The following RNF150 variants were observed in gnomAD, a reference collection of about 807,000 sequenced individuals.
The protein encoded by RNF150 is ring finger protein 150.
In RNF150, 24 loss-of-function variants were observed where a neutral mutation model predicts 39.3. The observed-to-expected ratio is 0.61, with a 90% CI of 0.44 to 0.86. The LOEUF is 0.86. RNF150 is among the 40% of genes least tolerant of loss of function. The probability of loss-of-function intolerance (pLI) is 0.00; values close to 1 mark genes in which losing one functional copy is unlikely to be tolerated. For missense variants in RNF150, 502 were observed against 587.8 expected (o/e 0.85, Z 1.51); for synonymous variants, 255 against 227.3 (o/e 1.12, Z -1.10).
At chr4:141,165,306 T>C (rs1027172414) in intron 1 of RNF150, among the ~76,000 whole-genome samples, 3 of 152,076 alleles carry the variant, frequency 2.0e-5, no homozygotes, top group African/African-American at 2.4e-5. Flanking sequence ...AGCAAATTCT[T>C]AGAGACCTAC....
At chr4:141,003,021 G>C (rs1232645463) in intron 1 of RNF150, among the ~76,000 whole-genome samples, 1 of 152,096 alleles carries the variant, frequency 6.6e-6, no homozygotes, top group Non-Finnish European at 1.5e-5. Flanking sequence ...AATTAACAAA[G>C]AGGTAGGTTT....
intron 2 of RNF150, among the ~76,000 whole-genome samples, chr4:140,966,185 C>T (rs920270698): frequency 5.9e-5 from 9 of 151,758 alleles, no homozygotes; most frequent in African/African-American, 2.2e-4. Context: ...AAAAACAAAA[C>T]AAAAATTAGC....
Position 141,188,809 on chromosome 4 carries a change from C to T in RNF150, c.-6+23985G>A, listed in dbSNP as rs547145137. Among the ~76,000 whole-genome samples the T allele has an allele frequency of 2.0e-5, 3 of 152,294 alleles. No individual in the cohort carries two copies. The East Asian group carries it at 5.8e-4, about 29-fold the overall frequency. On this transcript the variant is annotated intron_variant, in intron 1 of 7. Coordinates refer to the RNF150 transcript ENST00000420921. ...GGTTCTTATCTTCCTTGCTTCCTTGCTTTGGGCTAGAAAATGTCCTTTAGC... is the reference window on the plus strand; with the variant it reads ...GGTTCTTATCTTCCTTGCTTCCTTGTTTTGGGCTAGAAAATGTCCTTTAGC...
rs182732861 is a variant in RNF150, at chr4:140,945,724, T to C, written c.890+1930A>G. Among the ~76,000 whole-genome samples, 3 of 151,524 alleles carry C rather than the reference T, an allele frequency of 2.0e-5. No homozygotes were observed. The East Asian group carries it at 5.8e-4, about 29-fold the overall frequency. ...ATCAATTGTAGAGCTAAAGTAATGCTATGTATATAATTTTTAAAACAGATT... is the reference window on the plus strand; with the variant it reads ...ATCAATTGTAGAGCTAAAGTAATGCCATGTATATAATTTTTAAAACAGATT... On this transcript the variant is annotated intron_variant, in intron 4 of 6. Coordinates refer to ENST00000515673, the MANE Select transcript of RNF150 (RefSeq NM_020724.2).
At chr4:140,965,827 A>AG (rs1466278378) in intron 2 of RNF150, among the ~76,000 whole-genome samples, 1 of 152,082 alleles carries the variant, frequency 6.6e-6, no homozygotes, top group Non-Finnish European at 1.5e-5. Flanking sequence ...GCAAGTCTAG[A>AG]GATCTAATGT....
chr4:141,202,604 C>T (rs1728308045), intron 1 of RNF150, among the ~76,000 whole-genome samples: 1 of 151,750 alleles, frequency 6.6e-6, no homozygotes, highest in African/African-American at 2.4e-5. Flanking sequence ...AAATAGTCTT[C>T]AAATATTTAA....
intron 1 of RNF150, among the ~76,000 whole-genome samples, chr4:141,116,852 G>A (rs1413776577): frequency 6.6e-6 from 1 of 152,180 alleles, no homozygotes; most frequent in East Asian, 1.9e-4. Flanking sequence ...GAATATGGAT[G>A]AAGCTGGAAA....
chr4:140,967,990 T>G, intron 1 of RNF150, 117 bp from the exon 2 acceptor site: 1 of 901,902 alleles, frequency 1.1e-6, no homozygotes, highest in South Asian at 1.8e-5. Context: ...CTTTTGAGAA[T>G]TCTGTGCTGG....
intron 1 of RNF150, among the ~76,000 whole-genome samples, chr4:141,021,379 C>T (rs760521703): frequency 3.9e-5 from 6 of 152,036 alleles, no homozygotes; most frequent in Admixed American, 6.6e-5. Context: ...TTGTACCAAA[C>T]GGAAAAAAAA....
intron 6 of RNF150, among the ~76,000 whole-genome samples, chr4:140,892,952 C>CAGCT (rs1729809955): frequency 6.6e-6 from 1 of 152,042 alleles, no homozygotes; most frequent in South Asian, 2.1e-4. Context: ...CCTGTAGTCC[C>CAGCT]AGCTACTCAG....
intron 1 of RNF150, among the ~76,000 whole-genome samples, chr4:141,003,425 A>G (rs949722780): frequency 6.6e-6 from 1 of 152,194 alleles, no homozygotes; most frequent in Admixed American, 6.5e-5. Flanking sequence ...GAGTGGACTG[A>G]TGGCATCAGG....
intron 1 of RNF150, among the ~76,000 whole-genome samples, chr4:141,007,046 TC>T (rs1734895326): frequency 1.3e-5 from 2 of 152,218 alleles, no homozygotes; most frequent in Admixed American, 1.3e-4. Context: ...AAATTTTCAA[TC>T]TTTGCATTGT....
intron 1 of RNF150, among the ~76,000 whole-genome samples, chr4:141,010,199 GAAAATTTGA>G (rs1372410677): frequency 2.0e-5 from 3 of 152,182 alleles, no homozygotes; most frequent in Admixed American, 1.3e-4. Context: ...CCTTTATTAT[GAAAATTTGA>G]AGTAGATGGA....
chr4:140,996,695 A>C (rs58184093), intron 1 of RNF150, among the ~76,000 whole-genome samples: 11,550 of 152,294 alleles, frequency 0.076, 499 homozygotes, highest in Middle Eastern at 0.16. Context: ...TTTCTAGCTT[A>C]TGATCTAGTT....
At chr4:140,910,087 T>TCTC (rs1399309140) in intron 6 of RNF150, among the ~76,000 whole-genome samples, 1 of 152,306 alleles carries the variant, frequency 6.6e-6, no homozygotes, top group South Asian at 2.1e-4. Context: ...TCTTTCTTTA[T>TCTC]CTCTCAATTT....
chr4:141,135,564 T>A (rs1727016851), upstream of RNF150, among the ~76,000 whole-genome samples: 1 of 152,236 alleles, frequency 6.6e-6, no homozygotes, highest in Non-Finnish European at 1.5e-5. Flanking sequence ...GAATCCGTGC[T>A]AATGTTAATA....
chr4:141,031,215 A>G (rs531789607), intron 1 of RNF150, among the ~76,000 whole-genome samples: 1 of 151,982 alleles, frequency 6.6e-6, no homozygotes, highest in Non-Finnish European at 1.5e-5. Flanking sequence ...CAAGCAGAAG[A>G]ATGAAACTAG....
At chr4:141,166,225 A>G (rs1727599459) in intron 1 of RNF150, among the ~76,000 whole-genome samples, 1 of 152,210 alleles carries the variant, frequency 6.6e-6, no homozygotes, top group Non-Finnish European at 1.5e-5. Flanking sequence ...TCCTGGCCAC[A>G]TACACCCTCT....
At chr4:141,211,167 T>G (rs1728458172) in intron 1 of RNF150, among the ~76,000 whole-genome samples, 1 of 152,214 alleles carries the variant, frequency 6.6e-6, no homozygotes, top group Admixed American at 6.5e-5. Flanking sequence ...ATTTTCTGAC[T>G]GATATATTTG....
Sources: gnomAD v4.1 joint callset for allele counts (sites outside exome capture counted in the v4.1 genomes callset) on GRCh38, gnomAD v4.1.1 for gene constraint, MANE v1.5 for transcripts, NCBI Gene and HGNC (gene_info 2026-07-23, HGNC 2026-07-21) for gene names.